The following DLG2 variants were observed in gnomAD, a reference collection of about 807,000 sequenced individuals.
DLG2 encodes discs large MAGUK scaffold protein 2, also known as disks large homolog 2.
A neutral mutation model predicts 132.5 loss-of-function variants in DLG2; 45 were observed. That is an observed-to-expected ratio of 0.34 (90% CI 0.27 to 0.44). DLG2 has a LOEUF of 0.44. Ranked by LOEUF, DLG2 falls within the 20% of genes least tolerant of loss-of-function variation. DLG2 has a pLI of 1.00. For missense variants in DLG2, 1,045 were observed against 1,196.9 expected (o/e 0.87, Z 1.87); for synonymous variants, 424 against 419.6 (o/e 1.01, Z -0.13).
chr11:85,395,812 A>G lies in DLG2; in HGVS notation c.41-110447T>C, dbSNP rs141299651. Reference sequence around the variant, plus strand: ...CAGCTCAGCAAGGCCTACTGCCTCTATCGATTCCACTTCTAAGGGCAGGGC... The same window carrying G: ...CAGCTCAGCAAGGCCTACTGCCTCTGTCGATTCCACTTCTAAGGGCAGGGC... On this transcript the variant is annotated intron_variant, in intron 3 of 27. Transcript: ENST00000376104. Among the ~76,000 whole-genome samples the G allele has an allele frequency of 1.4e-4, 21 of 152,332 alleles. No individual in the cohort carries two copies. The East Asian group carries it at 3.7e-3, about 27-fold the overall frequency.
chr11:83,869,696 T>A (rs1381097286), intron 16 of DLG2, among the ~76,000 whole-genome samples: 1 of 152,224 alleles, frequency 6.6e-6, no homozygotes, highest in Admixed American at 6.5e-5. Flanking sequence ...ACATTTTTGG[T>A]GGGGTTAGTT....
chr11:84,670,180 T>C (rs2099704198), intron 6 of DLG2, among the ~76,000 whole-genome samples: 1 of 152,084 alleles, frequency 6.6e-6, no homozygotes, highest in Admixed American at 6.6e-5. Flanking sequence ...CTTGATCGCA[T>C]TTACACCATT....
chr11:83,466,687 C>T (rs1330947963), intron 26 of DLG2, 21 bp downstream of exon 26: 4 of 1,381,424 alleles, frequency 2.9e-6, no homozygotes, highest in Admixed American at 3.4e-5. Flanking sequence ...TGGATGAAGG[C>T]CTCCAATGCC....
At chr11:85,172,238 T>C (rs1302995666) in intron 4 of DLG2, among the ~76,000 whole-genome samples, 2 of 152,162 alleles carry the variant, frequency 1.3e-5, no homozygotes, top group Non-Finnish European at 2.9e-5. Context: ...CTGAAATCCA[T>C]TAGCTCCCAG....
At chr11:83,630,212 T>C (rs1411296440) in intron 19 of DLG2, among the ~76,000 whole-genome samples, 1 of 152,072 alleles carries the variant, frequency 6.6e-6, no homozygotes, top group East Asian at 1.9e-4. Flanking sequence ...GGTAAACAAA[T>C]TGCTACTACC....
chr11:83,886,211 G>A (rs946430876), intron 15 of DLG2, among the ~76,000 whole-genome samples: 4 of 152,042 alleles, frequency 2.6e-5, no homozygotes, highest in East Asian at 1.9e-4. Flanking sequence ...CCCATCTCAT[G>A]TGCAGAGACA....
At chr11:84,630,762 C>A (rs1341902319) in intron 6 of DLG2, among the ~76,000 whole-genome samples, 3 of 152,000 alleles carry the variant, frequency 2.0e-5, no homozygotes, top group East Asian at 3.9e-4. Flanking sequence ...TCTTTATGTT[C>A]CAGCAATTCC....
intron 3 of DLG2, among the ~76,000 whole-genome samples, chr11:85,515,029 G>A (rs1328549673): frequency 2.0e-5 from 3 of 151,930 alleles, no homozygotes; most frequent in Non-Finnish European, 4.4e-5. Context: ...ATTTGTGAGT[G>A]ATAAGGTGGA....
chr11:84,389,177 T>C (rs1271686190), intron 7 of DLG2, among the ~76,000 whole-genome samples: 1 of 152,130 alleles, frequency 6.6e-6, no homozygotes, highest in Non-Finnish European at 1.5e-5. Context: ...CAAAGTCCAA[T>C]ATAAAGGGTA....
intron 19 of DLG2, among the ~76,000 whole-genome samples, chr11:83,610,279 G>A (rs497917): frequency 1.2e-3 from 179 of 152,206 alleles, no homozygotes; most frequent in Middle Eastern, 0.01. Context: ...TCTAAAAGCC[G>A]GAAATGGAAG....
intron 6 of DLG2, among the ~76,000 whole-genome samples, chr11:84,859,254 C>CAT (rs1261394596): frequency 6.7e-6 from 1 of 148,924 alleles, no homozygotes; most frequent in Non-Finnish European, 1.5e-5. Context: ...TGTATATATA[C>CAT]ATATATATAC....
At chr11:85,537,558 G>C (rs2153200200) in intron 3 of DLG2, among the ~76,000 whole-genome samples, 1 of 149,262 alleles carries the variant, frequency 6.7e-6, no homozygotes, top group South Asian at 2.1e-4. Context: ...TGGGAGGAAT[G>C]AACAACTCCA....
At chr11:84,676,066 T>C (rs1165265938) in intron 6 of DLG2, among the ~76,000 whole-genome samples, 1 of 152,072 alleles carries the variant, frequency 6.6e-6, no homozygotes, top group Non-Finnish European at 1.5e-5. Flanking sequence ...AGTCTGACCT[T>C]TACTAGTAAC....
intron 6 of DLG2, chr11:84,955,680 T>G (rs890390690): frequency 6.6e-6 from 1 of 152,206 alleles, no homozygotes; most frequent in African/African-American, 2.4e-5. Flanking sequence ...TATCCTGTGC[T>G]TTCTCAATAA....
At chr11:83,540,764 G>A (rs777381411) in intron 20 of DLG2, among the ~76,000 whole-genome samples, 6 of 152,188 alleles carry the variant, frequency 3.9e-5, no homozygotes, top group Non-Finnish European at 7.4e-5. Context: ...TGGAGATGAG[G>A]ATCAAAGCCC....
chr11:85,100,551 A>G (rs1234343372), intron 6 of DLG2, among the ~76,000 whole-genome samples: 1 of 152,164 alleles, frequency 6.6e-6, no homozygotes, highest in Non-Finnish European at 1.5e-5. Context: ...GAAAAGATCA[A>G]AAGAACAAAG....
At chr11:84,820,252 C>T (rs756309643) in intron 6 of DLG2, among the ~76,000 whole-genome samples, 1 of 151,744 alleles carries the variant, frequency 6.6e-6, no homozygotes, top group Non-Finnish European at 1.5e-5. Context: ...AGGCATGGAG[C>T]AATACAATCT....
intron 6 of DLG2, among the ~76,000 whole-genome samples, chr11:84,618,546 C>T (rs370940668): frequency 5.7e-4 from 86 of 152,004 alleles, no homozygotes; most frequent in African/African-American, 1.9e-3. Context: ...CCAGCATGCC[C>T]AGAGGAAAAA....
At chr11:83,830,843 G>T (rs917042553) in intron 17 of DLG2, among the ~76,000 whole-genome samples, 33 of 152,188 alleles carry the variant, frequency 2.2e-4, no homozygotes, top group Non-Finnish European at 4.6e-4. Flanking sequence ...ATGCCTTAGA[G>T]AATCTCTAGA....
Sources: gnomAD v4.1 joint callset for allele counts (sites outside exome capture counted in the v4.1 genomes callset) on GRCh38, gnomAD v4.1.1 for gene constraint, MANE v1.5 for transcripts, NCBI Gene and HGNC (gene_info 2026-07-23, HGNC 2026-07-21) for gene names.